The following ARMH3 variants were observed in gnomAD, a reference collection of about 807,000 sequenced individuals.
The protein encoded by ARMH3 is armadillo-like helical domain-containing protein 3.
ARMH3 carries 60 observed loss-of-function variants against 99.1 expected under a neutral mutation model. That is an observed-to-expected ratio of 0.61 (90% CI 0.49 to 0.75). The LOEUF is 0.75. Among genes scored for constraint, ARMH3 ranks in the 30% least tolerant of loss-of-function variants. ARMH3 has a pLI of 0.00. For missense variants in ARMH3, 679 were observed against 843.1 expected (o/e 0.81, Z 2.41); for synonymous variants, 285 against 292.8 (o/e 0.97, Z 0.27).
intron 5 of ARMH3, among the ~76,000 whole-genome samples, chr10:102,026,538 G>A (rs1287191629): frequency 1.3e-5 from 2 of 152,164 alleles, no homozygotes; most frequent in Non-Finnish European, 2.9e-5. Context: ...GGGAGGAAAG[G>A]AATTCCAGAC....
chr10:101,944,291 GAGAGAGAGAGAGAGA>G (rs1844408070), intron 22 of ARMH3, among the ~76,000 whole-genome samples: 4 of 80,834 alleles, frequency 4.9e-5, no homozygotes, highest in Admixed American at 4.7e-4. Context: ...GAGAGAGAGA[GAGAGAGAGAGAGAGA>G]GAGAGAGAGA....
At chr10:101,888,053 T>G (rs907350097) in intron 24 of ARMH3, among the ~76,000 whole-genome samples, 16 of 148,788 alleles carry the variant, frequency 1.1e-4, no homozygotes, top group African/African-American at 3.7e-4. Flanking sequence ...ACAGAGTAAA[T>G]GTCTCCTTTT....
intron 7 of ARMH3, 36 bp from the exon 8 acceptor site, chr10:102,023,599 C>T (rs368017947): frequency 6.2e-7 from 1 of 1,610,166 alleles, no homozygotes; most frequent in Non-Finnish European, 8.5e-7. Flanking sequence ...AGACTGCTAA[C>T]TCCTGGTTCC....
At chr10:101,872,489 G>A (rs958420169) in intron 24 of ARMH3, among the ~76,000 whole-genome samples, 1 of 152,070 alleles carries the variant, frequency 6.6e-6, no homozygotes, top group Non-Finnish European at 1.5e-5. Context: ...TTGAGGTGAG[G>A]AGTTCAAGAC....
intron 1 of ARMH3, among the ~76,000 whole-genome samples, chr10:102,053,946 G>A (rs1280470547): frequency 6.6e-6 from 1 of 152,172 alleles, no homozygotes. Flanking sequence ...CTCAATAAAT[G>A]TGTTGAATAA....
At chr10:101,865,777 C>T (rs936115766) in intron 24 of ARMH3, among the ~76,000 whole-genome samples, 1 of 151,830 alleles carries the variant, frequency 6.6e-6, no homozygotes, top group African/African-American at 2.4e-5. Context: ...GCGTGAGCCG[C>T]TGCACCTGGC....
intron 23 of ARMH3, among the ~76,000 whole-genome samples, chr10:101,931,957 T>A (rs575286011): frequency 1.3e-5 from 2 of 152,250 alleles, no homozygotes; most frequent in Non-Finnish European, 2.9e-5. Context: ...ACACCATCAA[T>A]GAAATGAAAG....
rs61122631 is a variant in ARMH3, at chr10:101,909,463, CTTTTTT to C, written c.1782-19979_1782-19974del. On this transcript the variant is annotated intron_variant, in intron 23 of 25. Transcript: ENST00000370033. ...GAGGAAGGTATGTTGCAAGCTTCCTCTTTTTTTTTTTTTTTTTTTTTTTTGAGACAG... is the reference window on the plus strand; with the variant it reads ...GAGGAAGGTATGTTGCAAGCTTCCTCTTTTTTTTTTTTTTTTTTGAGACAG... Among the ~76,000 whole-genome samples, 14 of 71,730 alleles carry C rather than the reference CTTTTTT, an allele frequency of 2.0e-4. No individual in the cohort carries two copies. The East Asian group carries it at 5.2e-3, about 27-fold the overall frequency. The allele number at this position is 71,730 out of a possible 152,430, so 47.1% of individuals were successfully genotyped here.
In ARMH3 at chr10:102,002,022, G is replaced by A; in HGVS notation, c.1099C>T (p.Leu367=). The change falls in exon 15 of 26, where the codon CTA becomes TTA. Residue 367 remains leucine, a synonymous_variant. Coordinates refer to ENST00000370033, the MANE Select transcript of ARMH3 (RefSeq NM_024541.3). ...PLDADVQTSN[L]LITFLKYSSI... Reference sequence around the variant, plus strand: ...CTATACTTTAAAAAGGTTATCAGTAGATTACTGGTCTGTACATCTGCATCC... The same window carrying A: ...CTATACTTTAAAAAGGTTATCAGTAAATTACTGGTCTGTACATCTGCATCC... The A allele has an allele frequency of 4.3e-6, 7 of 1,614,176 alleles. No homozygotes were observed. The highest frequency in any genetic ancestry group is 5.1e-6 in the Non-Finnish European group (6 of 1,180,028).
intron 14 of ARMH3, among the ~76,000 whole-genome samples, chr10:102,004,868 G>A (rs980545701): frequency 1.1e-4 from 16 of 151,868 alleles, no homozygotes; most frequent in African/African-American, 2.7e-4. Flanking sequence ...TCAGGAGTTC[G>A]GGACCAGCCT....
chr10:101,872,735 A>C (rs999879946), intron 24 of ARMH3, among the ~76,000 whole-genome samples: 1 of 152,130 alleles, frequency 6.6e-6, no homozygotes, highest in Non-Finnish European at 1.5e-5. Flanking sequence ...AGGCAGGTGG[A>C]TCATCTGAGG....
chr10:101,857,792 G>C (rs1332278256), intron 24 of ARMH3, among the ~76,000 whole-genome samples: 1 of 152,196 alleles, frequency 6.6e-6, no homozygotes, highest in Non-Finnish European at 1.5e-5. Context: ...TTGGGCAAGA[G>C]ACTGAAAGAG....
At chr10:102,049,699 G>T (rs1313700709) in intron 1 of ARMH3, among the ~76,000 whole-genome samples, 1 of 151,526 alleles carries the variant, frequency 6.6e-6, no homozygotes, top group Non-Finnish European at 1.5e-5. Context: ...GGGACTACAG[G>T]CACATGCCAC....
chr10:101,918,632 G>A (rs1023646023), intron 23 of ARMH3, among the ~76,000 whole-genome samples: 1 of 152,208 alleles, frequency 6.6e-6, no homozygotes, highest in African/African-American at 2.4e-5. Context: ...CGAAGCAACA[G>A]TATGGCCTGA....
intron 13 of ARMH3, among the ~76,000 whole-genome samples, chr10:102,008,712 C>CCAGCTATTTTTTTTT: frequency 6.6e-6 from 1 of 151,962 alleles, no homozygotes; most frequent in Admixed American, 6.5e-5. Flanking sequence ...GCCACCACGC[C>CCAGCTATTTTTTTTT]CAGCTATTTT....
At chr10:101,999,758 A>G (rs888413497) in intron 15 of ARMH3, among the ~76,000 whole-genome samples, 2 of 152,162 alleles carry the variant, frequency 1.3e-5, no homozygotes, top group Non-Finnish European at 2.9e-5. Context: ...TTATGTGTAA[A>G]GCAGAATCAT....
intron 23 of ARMH3, among the ~76,000 whole-genome samples, chr10:101,919,210 C>G (rs1360333879): frequency 6.6e-6 from 1 of 152,184 alleles, no homozygotes; most frequent in African/African-American, 2.4e-5. Flanking sequence ...TCCTTCCCTC[C>G]CTTTCTTCTC....
At chr10:102,041,711 C>T (rs899303353) in intron 1 of ARMH3, among the ~76,000 whole-genome samples, 3 of 151,424 alleles carry the variant, frequency 2.0e-5, no homozygotes, top group Admixed American at 2.0e-4. Context: ...AGTACAATGG[C>T]GTGATCTCAG....
At chr10:102,013,876 C>A in intron 9 of ARMH3, 92 bp downstream of exon 9, 1 of 1,060,086 alleles carries the variant, frequency 9.4e-7, no homozygotes, top group Non-Finnish European at 1.4e-6. Flanking sequence ...GACAGAATAG[C>A]TCTCTGCTCT....
Sources: allele counts gnomAD v4.1 joint callset (sites outside exome capture counted in the v4.1 genomes callset), GRCh38; gene constraint gnomAD v4.1.1; transcripts MANE v1.5; gene names NCBI Gene and HGNC (gene_info 2026-07-23, HGNC 2026-07-21).